TESC: variants seen among roughly 807,000 people sequenced by gnomAD.
The protein encoded by TESC is tescalcin.
TESC carries 19 observed loss-of-function variants against 31.0 expected under a neutral mutation model. The observed-to-expected ratio is 0.61, with a 90% CI of 0.43 to 0.90. The LOEUF is 0.90. Ranked by LOEUF, TESC falls within the 40% of genes least tolerant of loss-of-function variation. The pLI, the probability that TESC is intolerant of heterozygous loss-of-function variation, is 0.00. For missense variants in TESC, 248 were observed against 303.8 expected (o/e 0.82, Z 1.36); for synonymous variants, 109 against 114.8 (o/e 0.95, Z 0.32).
chr12:117,077,200 C>T (rs1955086097), intron 1 of TESC, among the ~76,000 whole-genome samples: 1 of 152,222 alleles, frequency 6.6e-6, no homozygotes, highest in Non-Finnish European at 1.5e-5. Context: ...GGGCTCTCTA[C>T]TTCCTGTGGG....
chr12:117,046,619 G>A lies in TESC; in HGVS notation c.459C>T (p.Ser153=), dbSNP rs145576182. 39 of 1,551,498 alleles carry A rather than the reference G, an allele frequency of 2.5e-5. No individual in the cohort carries two copies. Among genetic ancestry groups the A allele is most frequent in the Admixed American group, 7.8e-5 (4 of 51,024 alleles). ...TGGCCCCGTCGGCGATGGAGCGAGC[G>A]GACTCCTTCTCGATGTGAGGGTTTC... ...LSGNPHIEKE[S]ARSIADGAMM... The change falls in exon 6 of 8, where the codon TCC becomes TCT. Residue 153 remains serine, a synonymous_variant. Transcript: ENST00000335209.
At chr12:117,084,078 A>C (rs555667156) in intron 1 of TESC, 1 of 146,758 alleles carries the variant, frequency 6.8e-6, no homozygotes, top group Non-Finnish European at 1.5e-5. Flanking sequence ...TGGGTGGCAG[A>C]GCAAGACTCC....
intron 1 of TESC, among the ~76,000 whole-genome samples, chr12:117,075,903 A>ATGTGTGTG (rs1401695484): frequency 5.0e-4 from 41 of 82,758 alleles, no homozygotes; most frequent in African/African-American, 6.7e-4. Context: ...ATATATATAT[A>ATGTGTGTG]TATATATATA....
intron 1 of TESC, chr12:117,083,956 T>C (rs1232338490): frequency 2.0e-5 from 3 of 152,110 alleles, no homozygotes; most frequent in Non-Finnish European, 2.9e-5. Context: ...TAGCCAAATG[T>C]GTTGACACGC....
At chr12:117,093,378 G>C (rs942847039) in intron 1 of TESC, among the ~76,000 whole-genome samples, 1 of 152,248 alleles carries the variant, frequency 6.6e-6, no homozygotes, top group African/African-American at 2.4e-5. Flanking sequence ...GCCATCTCTA[G>C]CTCCTTCTCC....
intron 2 of TESC, among the ~76,000 whole-genome samples, chr12:117,058,565 TAA>T (rs10637829): frequency 2.6e-4 from 29 of 113,302 alleles, no homozygotes; most frequent in Middle Eastern, 4.7e-3. Flanking sequence ...GTAAAGCTGT[TAA>T]AAAAAAAAAA....
rs1024143262 is a variant in TESC, at chr12:117,063,892, C to G, written c.129-7006G>C. 1.4e-4 allele frequency among the ~76,000 whole-genome samples: 21 copies of G among 152,186 alleles called. 1 individual carries two copies. The highest frequency in any genetic ancestry group is 5.1e-4 in the African/African-American group (21 of 41,456). ...AGATACTCAAAGTGTGGTTTCTGGG[C>G]CAGCAGCATCTGCATCACCTGGAGC... is the stretch of plus-strand genomic sequence containing the variant. On this transcript the variant is annotated intron_variant, in intron 2 of 7. Transcript: ENST00000335209.
At chr12:117,057,796 C>G (rs760984853) in intron 2 of TESC, among the ~76,000 whole-genome samples, 14 of 152,084 alleles carry the variant, frequency 9.2e-5, no homozygotes, top group Non-Finnish European at 1.8e-4. Context: ...GATGGAGTCT[C>G]GCTCTGCCGC....
chr12:117,075,913 A>ATATGTGTGTGTG (rs1265957613), intron 1 of TESC, among the ~76,000 whole-genome samples: 36 of 51,938 alleles, frequency 6.9e-4, no homozygotes, highest in East Asian at 4.7e-3. Context: ...ATATATATAT[A>ATATGTGTGTGTG]TGTGTGTGTG....
At chr12:117,055,601 G>A (rs1954710426) in intron 3 of TESC, among the ~76,000 whole-genome samples, 1 of 152,240 alleles carries the variant, frequency 6.6e-6, no homozygotes, top group Non-Finnish European at 1.5e-5. Context: ...GGAATAGGGT[G>A]TCACTTCCGA....
At chr12:117,046,940 C>T in intron 4 of TESC, 102 bp from the exon 5 acceptor site, 1 of 1,274,212 alleles carries the variant, frequency 7.8e-7, no homozygotes, top group Non-Finnish European at 1.1e-6. Context: ...AATAACCAAA[C>T]CTCAATGCCA....
chr12:117,088,151 G>A (rs1299169388), intron 1 of TESC, among the ~76,000 whole-genome samples: 1 of 152,074 alleles, frequency 6.6e-6, no homozygotes. Context: ...AACTGAGGAG[G>A]GATGGAACAA....
intron 1 of TESC, among the ~76,000 whole-genome samples, chr12:117,089,595 CT>C (rs1003499084): frequency 5.3e-5 from 8 of 152,212 alleles, no homozygotes; most frequent in African/African-American, 1.9e-4. Flanking sequence ...CACTTATAAA[CT>C]TTTTTTATAA....
intron 2 of TESC, among the ~76,000 whole-genome samples, chr12:117,064,212 A>G (rs772872759): frequency 6.6e-6 from 1 of 152,216 alleles, no homozygotes; most frequent in Non-Finnish European, 1.5e-5. Flanking sequence ...ATTTTAACGC[A>G]GTCCCCAGGG....
chr12:117,090,899 GCAGCCCACCTTTGGCCTCTA>G (rs1053785030), intron 1 of TESC, among the ~76,000 whole-genome samples: 14 of 152,286 alleles, frequency 9.2e-5, no homozygotes, highest in Non-Finnish European at 1.8e-4. Flanking sequence ...GCTGGCCTCT[GCAGCCCACCTTTGGCCTCTA>G]CAGCCCCCCT....
intron 1 of TESC, among the ~76,000 whole-genome samples, chr12:117,088,012 A>G (rs150198297): frequency 2.2e-3 from 329 of 152,280 alleles, no homozygotes; most frequent in African/African-American, 7.6e-3. Flanking sequence ...TAGATAAAGA[A>G]ACTGAGTCTC....
chr12:117,095,876 C>T (rs1052725251), intron 1 of TESC, among the ~76,000 whole-genome samples: 1 of 151,848 alleles, frequency 6.6e-6, no homozygotes, highest in African/African-American at 2.4e-5. Flanking sequence ...CAAGACCCTG[C>T]CTCAAAAACT....
At chr12:117,079,315 A>T (rs949274863) in intron 1 of TESC, among the ~76,000 whole-genome samples, 1 of 152,144 alleles carries the variant, frequency 6.6e-6, no homozygotes, top group African/African-American at 2.4e-5. Context: ...TAATACCAGC[A>T]CTTTGGGGGG....
In TESC at chr12:117,069,272, C is replaced by T. The variant is rs146796796; in HGVS notation, c.128+5999G>A. Among the ~76,000 whole-genome samples the T allele has an allele frequency of 1.6e-4, 25 of 152,218 alleles. No individual in the cohort carries two copies. The East Asian group carries it at 3.3e-3, about 20-fold the overall frequency. On this transcript the variant is annotated intron_variant, in intron 2 of 7. Coordinates refer to ENST00000335209, the MANE Select transcript of TESC (RefSeq NM_017899.4). ...AAATTTTTTTTGAGACAGAATCTCG[C>T]TCTGTCACCCAGGCTGCAGTGCAGT...
Sources: allele counts gnomAD v4.1 joint callset (sites outside exome capture counted in the v4.1 genomes callset), GRCh38; gene constraint gnomAD v4.1.1; transcripts MANE v1.5; gene names NCBI Gene and HGNC (gene_info 2026-07-23, HGNC 2026-07-21).